Variants in DOT1L observed in about 807,000 individuals in gnomAD.
DOT1L encodes histone-lysine N-methyltransferase, H3 lysine-79 specific.
DOT1L carries 33 observed loss-of-function variants against 153.3 expected under a neutral mutation model. That is an observed-to-expected ratio of 0.22 (90% confidence interval 0.16 to 0.29). The LOEUF is 0.29. Ranked by LOEUF, DOT1L falls within the 10% of genes least tolerant of loss-of-function variation. The pLI, the probability that DOT1L is intolerant of heterozygous loss-of-function variation, is 1.00. For synonymous variants in DOT1L, 1,135 were observed against 965.1 expected (o/e 1.18, Z -3.26); for missense variants, 1,847 against 2,119.9 (o/e 0.87, Z 2.53).
intron 22 of DOT1L, among the ~76,000 whole-genome samples, 189 bp downstream of exon 22, chr19:2,218,107 T>C (rs1416547592): frequency 6.6e-6 from 1 of 152,212 alleles, no homozygotes; most frequent in East Asian, 1.9e-4. Flanking sequence ...GCCAGTCTTT[T>C]TCTTTTGGGT....
At chr19:2,214,196 G>A in intron 18 of DOT1L, 1 of 941,728 alleles carries the variant, frequency 1.1e-6, no homozygotes, top group Non-Finnish European at 1.5e-6. Context: ...AGCGGCCCTG[G>A]GTGTCATGGA....
intron 1 of DOT1L, among the ~76,000 whole-genome samples, chr19:2,175,571 A>G (rs969300070): frequency 5.3e-5 from 8 of 152,214 alleles, no homozygotes; most frequent in African/African-American, 1.7e-4. Context: ...GCTCACGCCT[A>G]TAATCCCAGC....
intron 1 of DOT1L, among the ~76,000 whole-genome samples, chr19:2,170,314 C>T (rs1278899292): frequency 1.3e-5 from 2 of 152,126 alleles, no homozygotes; most frequent in East Asian, 1.9e-4. Flanking sequence ...GGTTGGGAGG[C>T]GTGACTGAAA....
In DOT1L at chr19:2,222,609, A is replaced by G. The variant is rs2024166399; in HGVS notation, c.3390+50A>G. 7.4e-6 allele frequency: 11 copies of G among 1,480,538 alleles called. No individual in the cohort carries two copies. Among genetic ancestry groups the G allele is most frequent in the Non-Finnish European group, 8.9e-6 (10 of 1,118,930 alleles). The allele number at this position is 1,480,538 out of a possible 1,614,324, so 91.7% of individuals were successfully genotyped here. On this transcript the variant is annotated intron_variant, in intron 24 of 27. Transcript: ENST00000398665. The surrounding 1 kb of genome is among the most constrained non-coding windows in gnomAD (Gnocchi z 6.5). Reference sequence around the variant, plus strand: ...GGGGAGCGCGGCCTGTGAAAGAAAGACCAGAGGGAGACCGGGCGCGGTGGC... The same window carrying G: ...GGGGAGCGCGGCCTGTGAAAGAAAGGCCAGAGGGAGACCGGGCGCGGTGGC...
chr19:2,165,198 C>G (rs12985980), intron 1 of DOT1L, among the ~76,000 whole-genome samples: 42,563 of 152,112 alleles, frequency 0.28, 7,378 homozygotes, highest in Non-Finnish European at 0.4. Context: ...GAAGCAGGCG[C>G]TGTCAGCGAG....
At position 2,220,286 on chromosome 19, in the gene DOT1L, G is replaced by T; in HGVS notation, c.2806+64G>T. On this transcript the variant is annotated intron_variant, in intron 23 of 27. Coordinates refer to ENST00000398665, the MANE Select transcript of DOT1L (RefSeq NM_032482.3). This position sits in a 1 kb window ranked among gnomAD's most constrained non-coding sequence, Gnocchi z 4.5. ...GCTGCTGCTGCTCTTCAGGCAGGAG[G>T]GCTGGGTTGCTGGGAGTGGAACAGG... is the stretch of plus-strand genomic sequence containing the variant. The T allele has an allele frequency of 1.3e-6, 2 of 1,518,180 alleles. No individual in the cohort carries two copies. The highest frequency in any genetic ancestry group is 1.9e-5 in the Admixed American group (1 of 52,828). The allele number at this position is 1,518,180 out of a possible 1,614,324, so 94.0% of individuals were successfully genotyped here.
At chr19:2,187,994 C>T (rs977882018) in intron 3 of DOT1L, among the ~76,000 whole-genome samples, 10 of 151,264 alleles carry the variant, frequency 6.6e-5, no homozygotes, top group African/African-American at 4.9e-5. Flanking sequence ...GCGGGGAAGG[C>T]GGGAGGCAGC....
intron 9 of DOT1L, among the ~76,000 whole-genome samples, chr19:2,205,622 C>T (rs889554404): frequency 6.6e-6 from 1 of 152,162 alleles, no homozygotes; most frequent in South Asian, 2.1e-4. Flanking sequence ...CAGTTTGCAT[C>T]TACAGTTAGA....
In DOT1L at chr19:2,194,525, G is replaced by A. The variant is rs781121686; in HGVS notation, c.599G>A (p.Arg200His). The change falls in exon 7 of 28, where the codon CGC (arginine) becomes CAC (histidine). Residue 200 changes from arginine (R) to histidine (H), a missense_variant. By Grantham distance (29) the Arg-to-His change is conservative. Around this residue, in one of 8 missense-constraint regions of DOT1L, gnomAD observed 148 missense variants for 422.3 expected, o/e 0.35. Transcript: ENST00000398665. ...TTTCTTTCCTTCCAGACCATGGACC[G>A]CGAGTTCAGGAAGTGGATGAAATGG... ...IPAKYAETMD[R>H]EFRKWMKWYG... is the part of the protein sequence containing the mutation. The A allele has an allele frequency of 7.4e-6, 12 of 1,613,382 alleles. No individual in the cohort carries two copies. Among genetic ancestry groups the A allele is most frequent in the African/African-American group, 1.3e-5 (1 of 74,900 alleles).
chr19:2,226,919 C>A lies in DOT1L; in HGVS notation c.4398C>A (p.Gly1466=), dbSNP rs781697845. 7 of 1,580,432 alleles carry A rather than the reference C, an allele frequency of 4.4e-6. No homozygotes were observed. The South Asian group carries it at 7.9e-5, about 18-fold the overall frequency. Reference sequence around the variant, plus strand: ...CCCAGACGCACCGGTCCTTCCTGGGCCCCTTCCCGCCGGGACCGCAGTTCG... The same window carrying A: ...CCCAGACGCACCGGTCCTTCCTGGGACCCTTCCCGCCGGGACCGCAGTTCG... ...SSAQTHRSFL[G]PFPPGPQFAL... is the part of the protein sequence containing the mutation. Residue 1466 remains glycine (G), a synonymous_variant, in exon 27 of 28, where the codon GGC becomes GGA. Transcript: ENST00000398665.
At chr19:2,176,187 C>G (rs2021925150) in intron 1 of DOT1L, among the ~76,000 whole-genome samples, 1 of 152,154 alleles carries the variant, frequency 6.6e-6, no homozygotes, top group African/African-American at 2.4e-5. Flanking sequence ...TTCAGAAAAA[C>G]CTGGTGAAGT....
chr19:2,189,026 T>C (rs986786649), intron 3 of DOT1L, among the ~76,000 whole-genome samples: 1 of 152,140 alleles, frequency 6.6e-6, no homozygotes, highest in African/African-American at 2.4e-5. Flanking sequence ...GGGTTTGCCT[T>C]GCGGCCAGGG....
rs1408045697 is a variant in DOT1L at position 2,229,976 on chromosome 19, C to T, written c.*184C>T. The stretch of plus-strand genomic sequence containing the variant: ...CTGGGACTGGTCCAGTTTGTACTGT[C>T]GATAGTTTTAGATAAAGTATTTATC... On this transcript the variant is annotated 3_prime_UTR_variant, in exon 28 of 28. Transcript: ENST00000398665. 1.5e-5 allele frequency: 13 copies of T among 859,324 alleles called. No homozygotes were observed. The highest frequency in any genetic ancestry group is 2.7e-5 in the East Asian group (1 of 37,696). The allele number at this position is 859,324 out of a possible 1,614,324, so 53.2% of individuals were successfully genotyped here.
intron 10 of DOT1L, 102 bp downstream of exon 10, chr19:2,206,899 C>A: frequency 1.7e-6 from 2 of 1,202,034 alleles, no homozygotes; most frequent in Non-Finnish European, 2.4e-6. Context: ...GACACTGGGG[C>A]TGGATCCTTC....
rs774874914 is a variant in DOT1L at position 2,210,414 on chromosome 19, A to G, written c.1020A>G (p.Ala340=). ...TCTCCTTCCAGGAGGAACAGGAGGC[A>G]GCCCGGCGCCGCCAGCAGCGCGAGA... ...KNPKLREEQE[A]ARRRQQRESK... Residue 340 remains alanine (A), a synonymous_variant, in exon 13 of 28, where the codon GCA becomes GCG. Transcript: ENST00000398665. 6.5e-6 allele frequency: 10 copies of G among 1,544,292 alleles called. No homozygotes were observed. The highest frequency in any genetic ancestry group is 8.7e-6 in the Non-Finnish European group (10 of 1,147,544).
chr19:2,176,435 G>C (rs545081358), intron 1 of DOT1L, among the ~76,000 whole-genome samples: 4 of 152,298 alleles, frequency 2.6e-5, no homozygotes, highest in Non-Finnish European at 5.9e-5. Context: ...CCCTGCTACT[G>C]CTTCTGCGGG....
At chr19:2,171,947 C>T (rs973518047) in intron 1 of DOT1L, among the ~76,000 whole-genome samples, 16 of 152,296 alleles carry the variant, frequency 1.1e-4, no homozygotes, top group East Asian at 5.8e-4. Context: ...AGTGATTGCC[C>T]GGCTCCACGT....
chr19:2,211,150 A>G lies in DOT1L; in HGVS notation c.1403A>G (p.Gln468Arg). The G allele has an allele frequency of 6.2e-7, 1 of 1,612,956 alleles. No individual in the cohort carries two copies. Among genetic ancestry groups the G allele is most frequent in the Non-Finnish European group, 8.5e-7 (1 of 1,179,776 alleles). The change falls in exon 15 of 28, where the codon CAG (glutamine) becomes CGG (arginine). Residue 468 changes from glutamine (Q) to arginine (R), a missense_variant. Transcript: ENST00000398665. ...SPFYQLPPSV[Q>R]RHSPNPLLVA... ...TTCTACCAGCTACCTCCGAGCGTGC[A>G]GCGGCACTCCCCCAACCCGCTGCTG...
In DOT1L at chr19:2,216,465, A is replaced by T. The variant is rs779346222; in HGVS notation, c.2108A>T (p.His703Leu). 2.1e-5 allele frequency: 34 copies of T among 1,612,508 alleles called. No individual in the cohort carries two copies. ...ELDCTKFSLP[H>L]LSSMSPELSM... ...GACTGCACCAAGTTCTCGCTGCCTC[A>T]CTTGAGCAGCATGAGCCCGGAGCTC... Residue 703 changes from histidine (H) to leucine (L), a missense_variant, in exon 20 of 28, where the codon CAC becomes CTC. Coordinates refer to ENST00000398665, the MANE Select transcript of DOT1L (RefSeq NM_032482.3).
Sources: gnomAD v4.1 joint callset for allele counts (sites outside exome capture counted in the v4.1 genomes callset) on GRCh38, gnomAD v4.1.1 for gene constraint, gnomAD v4.1.1 regional missense constraint, Gnocchi (gnomAD v3.1) non-coding constraint, MANE v1.5 for transcripts, NCBI Gene and HGNC (gene_info 2026-07-23, HGNC 2026-07-21) for gene names.